CCDC171: variants seen among roughly 807,000 people sequenced by gnomAD.
CCDC171 encodes the protein coiled-coil domain-containing protein 171.
CCDC171 carries 177 observed loss-of-function variants against 168.2 expected under a neutral mutation model. That is an observed-to-expected ratio of 1.05 (90% CI 0.93 to 1.19). The LOEUF (loss-of-function observed/expected upper bound fraction) is 1.19, where lower values mean the gene tolerates loss of function less well. Among genes scored for constraint, CCDC171 ranks in the 50% most tolerant of loss-of-function variants. The pLI, the probability that CCDC171 is intolerant of heterozygous loss-of-function variation, is 0.00. For missense variants in CCDC171, 1,991 were observed against 1,539.0 expected (o/e 1.29, Z -4.91); for synonymous variants, 687 against 540.8 (o/e 1.27, Z -3.75).
At chr9:15,918,933 T>C (rs553926261) in intron 24 of CCDC171, among the ~76,000 whole-genome samples, 1 of 151,784 alleles carries the variant, frequency 6.6e-6, no homozygotes, top group Admixed American at 6.6e-5. Flanking sequence ...AAAGCAGTCA[T>C]TAATTCAAGC....
intron 8 of CCDC171, among the ~76,000 whole-genome samples, chr9:15,659,649 C>T (rs992257111): frequency 9.9e-5 from 15 of 152,158 alleles, no homozygotes; most frequent in Admixed American, 3.3e-4. Flanking sequence ...CACTTATTTC[C>T]AGAAGAAAAA....
At chr9:15,572,201 A>ATG (rs914813069) in intron 3 of CCDC171, among the ~76,000 whole-genome samples, 1 of 152,140 alleles carries the variant, frequency 6.6e-6, no homozygotes, top group Non-Finnish European at 1.5e-5. Context: ...ATTAGTATGT[A>ATG]TGTGTGTGTA....
chr9:15,623,421 T>A lies in CCDC171; in HGVS notation c.822+8T>A. ...CTTAGAAAAGAATTTGAGGTACATT[T>A]TCTCATTCCTTTATAATATATATGC... is the stretch of plus-strand genomic sequence containing the variant. On this transcript the variant is annotated splice_region_variant and intron_variant, in intron 7 of 25. Coordinates refer to ENST00000380701, the MANE Select transcript of CCDC171 (RefSeq NM_173550.4). The A allele has an allele frequency of 1.9e-6, 3 of 1,589,280 alleles. No homozygotes were observed. Among genetic ancestry groups the A allele is most frequent in the Non-Finnish European group, 2.6e-6 (3 of 1,167,898 alleles).
upstream of CCDC171, among the ~76,000 whole-genome samples, chr9:16,042,043 A>G (rs1316767857): frequency 6.6e-6 from 1 of 152,234 alleles, no homozygotes; most frequent in African/African-American, 2.4e-5. Context: ...AGCTGAAATT[A>G]TTGTGCATAT....
At position 15,777,803 on chromosome 9, in the gene CCDC171, T is replaced by G; in HGVS notation, c.2875T>G (p.Leu959Val). 1.2e-6 allele frequency: 2 copies of G among 1,610,782 alleles called. No homozygotes were observed. The highest frequency in any genetic ancestry group is 8.5e-7 in the Non-Finnish European group (1 of 1,179,110). Reference protein sequence around the residue: ...KVNTLALKYGLRGHVPITKST... With the variant: ...KVNTLALKYGVRGHVPITKST... ...AAACACACTGGCCCTGAAATATGGT[T>G]TGCGTGGCCATGTGCCCATTACGGT... The change falls in exon 19 of 26, where the codon TTG (leucine) becomes GTG (valine). Residue 959 changes from leucine (L) to valine (V), a missense_variant. By Grantham distance (32) the Leu-to-Val change is conservative (BLOSUM62 1). Transcript: ENST00000380701.
intron 21 of CCDC171, among the ~76,000 whole-genome samples, chr9:15,840,069 C>A (rs926825668): frequency 6.6e-6 from 1 of 151,808 alleles, no homozygotes; most frequent in Non-Finnish European, 1.5e-5. Flanking sequence ...AAATAATGGC[C>A]ATTTAAATTC....
At chr9:15,655,063 A>G (rs888784464) in intron 7 of CCDC171, among the ~76,000 whole-genome samples, 1 of 152,136 alleles carries the variant, frequency 6.6e-6, no homozygotes, top group African/African-American at 2.4e-5. Context: ...GGATAGCATT[A>G]GGAGATATAC....
intron 3 of CCDC171, among the ~76,000 whole-genome samples, chr9:15,574,610 A>G (rs1348112802): frequency 6.6e-6 from 1 of 152,128 alleles, no homozygotes; most frequent in East Asian, 1.9e-4. Flanking sequence ...TTAGATGATC[A>G]TACTTGTATT....
intron 11 of CCDC171, among the ~76,000 whole-genome samples, chr9:15,714,807 A>G (rs1299112118): frequency 6.6e-6 from 1 of 152,150 alleles, no homozygotes; most frequent in East Asian, 1.9e-4. Context: ...GCTTGTGGTA[A>G]TCAGAGCTAG....
the CCDC171 span, among the ~76,000 whole-genome samples, chr9:16,089,202 A>C: frequency 7.2e-5 from 11 of 152,140 alleles, no homozygotes; most frequent in African/African-American, 2.4e-4. Flanking sequence ...TCTTATAAAA[A>C]ATTAACACAA....
At chr9:15,785,367 C>G (rs1471112345) in intron 21 of CCDC171, among the ~76,000 whole-genome samples, 5 of 151,990 alleles carry the variant, frequency 3.3e-5, no homozygotes, top group Admixed American at 3.3e-4. Flanking sequence ...AATGATATAG[C>G]CACTATATAG....
chr9:15,581,298 A>C (rs2041095121), intron 4 of CCDC171, among the ~76,000 whole-genome samples: 1 of 152,202 alleles, frequency 6.6e-6, no homozygotes, highest in Non-Finnish European at 1.5e-5. Context: ...AACAAATGGA[A>C]AAATACTTCA....
chr9:15,712,272 A>G (rs565726337), intron 11 of CCDC171, among the ~76,000 whole-genome samples: 6 of 152,336 alleles, frequency 3.9e-5, no homozygotes, highest in African/African-American at 9.6e-5. Flanking sequence ...TGGGCACCCA[A>G]TGACCCAGTC....
chr9:16,061,010 T>C (rs1303045736), exon 2 of CCDC171: 2 of 152,226 alleles, frequency 1.3e-5, no homozygotes, highest in Non-Finnish European at 2.9e-5. Flanking sequence ...CTGTTGGACC[T>C]TGAAAGACTT....
intron 24 of CCDC171, among the ~76,000 whole-genome samples, chr9:15,916,162 C>T (rs547514713): frequency 1.1e-4 from 16 of 151,686 alleles, no homozygotes; most frequent in Middle Eastern, 6.9e-3. Context: ...ATAATTTACA[C>T]CTCTCAGAAA....
intron 21 of CCDC171, among the ~76,000 whole-genome samples, chr9:15,830,553 T>C (rs1320972785): frequency 6.6e-6 from 1 of 152,224 alleles, no homozygotes; most frequent in Non-Finnish European, 1.5e-5. Flanking sequence ...AGTTCAGACA[T>C]TGAGAATTAG....
At chr9:15,828,255 T>C (rs903560696) in intron 21 of CCDC171, among the ~76,000 whole-genome samples, 7 of 151,882 alleles carry the variant, frequency 4.6e-5, no homozygotes, top group Non-Finnish European at 7.4e-5. Context: ...ATGAAACATC[T>C]TGAAAGCATG....
At chr9:15,557,299 G>A (rs1164407032) in intron 1 of CCDC171, among the ~76,000 whole-genome samples, 1 of 152,096 alleles carries the variant, frequency 6.6e-6, no homozygotes, top group Non-Finnish European at 1.5e-5. Context: ...TAGCTTGATG[G>A]GGATGGCACT....
At chr9:15,596,368 G>A (rs1356824270) in intron 6 of CCDC171, among the ~76,000 whole-genome samples, 1 of 151,612 alleles carries the variant, frequency 6.6e-6, no homozygotes, top group East Asian at 1.9e-4. Context: ...CATATGGCTA[G>A]CCAGTTTTCC....
Sources: gnomAD v4.1 joint callset for allele counts (sites outside exome capture counted in the v4.1 genomes callset) on GRCh38, gnomAD v4.1.1 for gene constraint, MANE v1.5 for transcripts, NCBI Gene and HGNC (gene_info 2026-07-23, HGNC 2026-07-21) for gene names.